PDE1A: variants seen among roughly 807,000 people sequenced by gnomAD.
PDE1A encodes phosphodiesterase 1A, also known as dual specificity calcium/calmodulin-dependent 3',5'-cyclic nucleotide phosphodiesterase 1A.
In PDE1A, 35 loss-of-function variants were observed where a neutral mutation model predicts 61.7. That is an observed-to-expected ratio of 0.57 (90% CI 0.43 to 0.75). PDE1A has a LOEUF of 0.75. Ranked by LOEUF, PDE1A falls within the 30% of genes least tolerant of loss-of-function variation. The pLI is 0.00. For missense variants in PDE1A, 597 were observed against 630.6 expected, an observed-to-expected ratio of 0.95 and a Z score of 0.57; for synonymous variants, 232 against 213.2, an observed-to-expected ratio of 1.09 and a Z score of -0.77.
the PDE1A span, among the ~76,000 whole-genome samples, chr2:182,679,005 C>CTTTTT: frequency 2.4e-5 from 3 of 127,656 alleles, no homozygotes; most frequent in Non-Finnish European, 3.2e-5. Flanking sequence ...TTTGGTTTCT[C>CTTTTT]TTTTTTTTTT....
chr2:182,398,403 A>G (rs1477930082), intron 1 of PDE1A, among the ~76,000 whole-genome samples: 2 of 152,028 alleles, frequency 1.3e-5, no homozygotes, highest in African/African-American at 2.4e-5. Flanking sequence ...GTTACTAAAT[A>G]TATTTTAAAT....
intron 1 of PDE1A, among the ~76,000 whole-genome samples, chr2:182,389,416 A>G (rs1172114922): frequency 1.3e-5 from 2 of 152,206 alleles, no homozygotes; most frequent in African/African-American, 4.8e-5. Flanking sequence ...AAGAATACAA[A>G]TAACCCAATT....
intron 1 of PDE1A, among the ~76,000 whole-genome samples, chr2:182,410,340 C>A (rs961683231): frequency 2.6e-5 from 4 of 151,980 alleles, no homozygotes; most frequent in Non-Finnish European, 2.9e-5. Context: ...GCACCCCAGC[C>A]TGGGTAACAG....
chr2:182,516,702 G>A (rs868171401), intron 2 of PDE1A, among the ~76,000 whole-genome samples: 74 of 116,840 alleles, frequency 6.3e-4, no homozygotes, highest in African/African-American at 1.9e-3. Context: ...GGGAGGAAGG[G>A]AGGAAGGAAG....
At chr2:182,377,250 T>G (rs1340278227) in intron 1 of PDE1A, among the ~76,000 whole-genome samples, 1 of 152,182 alleles carries the variant, frequency 6.6e-6, no homozygotes, top group Non-Finnish European at 1.5e-5. Context: ...GTCTTGGTGA[T>G]AGTGAGTTCT....
At chr2:182,277,985 A>G (rs75153173) in intron 1 of PDE1A, among the ~76,000 whole-genome samples, 1,686 of 152,190 alleles carry the variant, frequency 0.011, 34 homozygotes, top group South Asian at 0.088. Context: ...AGTGTATTCA[A>G]TGTCAATCAA....
chr2:182,522,143 G>T, intron 2 of PDE1A: 1 of 685,140 alleles, frequency 1.5e-6, no homozygotes. Flanking sequence ...GTTAGCTGAG[G>T]TAGGCACATT....
chr2:182,477,762 T>C (rs574240555), intron 2 of PDE1A, among the ~76,000 whole-genome samples: 1 of 152,078 alleles, frequency 6.6e-6, no homozygotes, highest in East Asian at 1.9e-4. Flanking sequence ...TAAGATTGCA[T>C]AGTTACGGTA....
At chr2:182,611,766 T>C in the PDE1A span, among the ~76,000 whole-genome samples, 12 of 152,022 alleles carry the variant, frequency 7.9e-5, no homozygotes, top group Non-Finnish European at 5.9e-5. Flanking sequence ...AAAAAAATCA[T>C]GTCTATTTGA....
At chr2:182,364,466 TAAAAAA>T (rs201821721) in intron 1 of PDE1A, among the ~76,000 whole-genome samples, 664 of 35,794 alleles carry the variant, frequency 0.019, 2 homozygotes, top group Non-Finnish European at 0.029. Flanking sequence ...AACACTTTGG[TAAAAAA>T]AAAAAAAAAA....
At chr2:182,557,637 G>A in the PDE1A span, among the ~76,000 whole-genome samples, 10 of 152,018 alleles carry the variant, frequency 6.6e-5, no homozygotes, top group East Asian at 1.7e-3. Flanking sequence ...GCTTGAACCC[G>A]GGAGGCAAAG....
At chr2:182,645,109 C>A in the PDE1A span, among the ~76,000 whole-genome samples, 2 of 151,768 alleles carry the variant, frequency 1.3e-5, no homozygotes, top group African/African-American at 4.8e-5. Flanking sequence ...CCTCAGCCTC[C>A]CGAGTAGCTG....
intron 1 of PDE1A, among the ~76,000 whole-genome samples, chr2:182,398,463 CTCTT>C (rs1382893454): frequency 6.6e-6 from 1 of 151,890 alleles, no homozygotes; most frequent in African/African-American, 2.4e-5. Flanking sequence ...TTACCATTGA[CTCTT>C]TATCCTCTAG....
intron 1 of PDE1A, among the ~76,000 whole-genome samples, chr2:182,326,277 G>T (rs188992511): frequency 2.0e-5 from 3 of 152,244 alleles, no homozygotes; most frequent in East Asian, 1.9e-4. Context: ...AATGTTTATA[G>T]TACCATTACT....
At chr2:182,279,383 C>A (rs1275203285) in intron 1 of PDE1A, among the ~76,000 whole-genome samples, 4 of 151,732 alleles carry the variant, frequency 2.6e-5, no homozygotes, top group African/African-American at 9.7e-5. Flanking sequence ...AAGCCAATGA[C>A]CATCAAAACA....
the PDE1A span, among the ~76,000 whole-genome samples, chr2:182,579,578 C>T: frequency 2.6e-5 from 4 of 152,136 alleles, no homozygotes; most frequent in Admixed American, 2.6e-4. Flanking sequence ...TCTGCAGCAG[C>T]TTGAAGATCA....
At chr2:182,282,773 G>A (rs948331106) in intron 1 of PDE1A, among the ~76,000 whole-genome samples, 1 of 151,914 alleles carries the variant, frequency 6.6e-6, no homozygotes, top group Non-Finnish European at 1.5e-5. Flanking sequence ...CATGTTTTGT[G>A]TCTTAATAAA....
chr2:182,429,332 A>T (rs1703799719), upstream of PDE1A, among the ~76,000 whole-genome samples: 1 of 152,126 alleles, frequency 6.6e-6, no homozygotes, highest in African/African-American at 2.4e-5. Flanking sequence ...CATGATTATT[A>T]ATTAAATTAC....
chr2:182,652,389 T>C, the PDE1A span, among the ~76,000 whole-genome samples: 2 of 152,178 alleles, frequency 1.3e-5, no homozygotes, highest in Non-Finnish European at 2.9e-5. Context: ...TAGATCGACC[T>C]CCTACGATCT....
Sources: allele counts gnomAD v4.1 joint callset (sites outside exome capture counted in the v4.1 genomes callset), GRCh38; gene constraint gnomAD v4.1.1; transcripts MANE v1.5; gene names NCBI Gene and HGNC (gene_info 2026-07-23, HGNC 2026-07-21).